The following RSBN1L variants were observed in gnomAD, a reference collection of about 807,000 sequenced individuals.
RSBN1L encodes lysine-specific demethylase RSBN1L.
In RSBN1L, 30 loss-of-function variants were observed where a neutral mutation model predicts 67.7. The ratio of observed to expected loss-of-function variants is 0.44; its 90% CI spans 0.33 to 0.60. RSBN1L has a LOEUF of 0.60. Ranked by LOEUF, RSBN1L falls within the 20% of genes least tolerant of loss-of-function variation. The pLI, the probability that RSBN1L is intolerant of heterozygous loss-of-function variation, is 0.02. For synonymous variants in RSBN1L, 433 were observed against 387.0 expected, an observed-to-expected ratio of 1.12 and a Z score of -1.39; for missense variants, 992 against 1,031.7, an observed-to-expected ratio of 0.96 and a Z score of 0.53.
At chr7:77,757,254 T>G (rs1460447937) in intron 3 of RSBN1L, among the ~76,000 whole-genome samples, 1 of 152,236 alleles carries the variant, frequency 6.6e-6, no homozygotes, top group African/African-American at 2.4e-5. Context: ...TGACAAAGGA[T>G]TAAAACATCC....
intron 1 of RSBN1L, among the ~76,000 whole-genome samples, chr7:77,730,196 C>G (rs1398864211): frequency 6.6e-6 from 1 of 152,096 alleles, no homozygotes; most frequent in Admixed American, 6.6e-5. Flanking sequence ...GCATCTGTTT[C>G]TCCCACTCCC....
chr7:77,721,653 A>G (rs1233592150), intron 1 of RSBN1L, among the ~76,000 whole-genome samples: 1 of 152,220 alleles, frequency 6.6e-6, no homozygotes, highest in African/African-American at 2.4e-5. Context: ...ATATTGGAGT[A>G]AGACATTTGA....
intron 1 of RSBN1L, among the ~76,000 whole-genome samples, chr7:77,726,231 C>T (rs961448336): frequency 5.3e-5 from 8 of 152,186 alleles, no homozygotes; most frequent in Non-Finnish European, 8.8e-5. Context: ...AAAGTCCATA[C>T]TTTATTCAGA....
In RSBN1L at chr7:77,778,826, C is replaced by T. The variant is rs369366458; in HGVS notation, c.2199C>T (p.Ala733=). The T allele has an allele frequency of 9.9e-5, 159 of 1,614,076 alleles. No individual in the cohort carries two copies. The highest frequency in any genetic ancestry group is 1.3e-4 in the Non-Finnish European group (148 of 1,180,002). ...ACATGATTTGTGCTGTAAGCAAAGC[C>T]TCCTTGGATTCTGTTTTTTCAGATA... ...TDNMICAVSK[A]SLDSVFSDKL... is the part of the protein sequence containing the mutation. Residue 733 remains alanine (A), a synonymous_variant, in exon 8 of 8, where the codon GCC becomes GCT. Transcript: ENST00000334955.
At chr7:77,751,659 T>C (rs1445508167) in intron 3 of RSBN1L, among the ~76,000 whole-genome samples, 2 of 152,234 alleles carry the variant, frequency 1.3e-5, no homozygotes, top group Non-Finnish European at 2.9e-5. Context: ...TTACTATTTA[T>C]TGAGTACTGA....
At chr7:77,700,802 A>G (rs962587760) in intron 1 of RSBN1L, among the ~76,000 whole-genome samples, 9 of 152,112 alleles carry the variant, frequency 5.9e-5, no homozygotes, top group African/African-American at 2.2e-4. Flanking sequence ...GCTTCTCAGT[A>G]CAATTTTCCA....
chr7:77,758,087 G>GTAGC (rs1200463476), intron 3 of RSBN1L, among the ~76,000 whole-genome samples: 1 of 152,090 alleles, frequency 6.6e-6, no homozygotes, highest in African/African-American at 2.4e-5. Flanking sequence ...AGGTAATTAA[G>GTAGC]TAGCACTGTT....
chr7:77,779,243 C>A lies in RSBN1L; in HGVS notation c.*75C>A. ...AAGATTCATGAATTCTGAAAGCAAGCCAAGGACTTGCTCCTATGTCTGTTA... is the reference window on the plus strand; with the variant it reads ...AAGATTCATGAATTCTGAAAGCAAGACAAGGACTTGCTCCTATGTCTGTTA... On this transcript the variant is annotated 3_prime_UTR_variant, in exon 8 of 8. Coordinates refer to ENST00000334955, the MANE Select transcript of RSBN1L (RefSeq NM_198467.3). The A allele has an allele frequency of 9.8e-7, 1 of 1,025,482 alleles. No homozygotes were observed. The highest frequency in any genetic ancestry group is 1.4e-6 in the Non-Finnish European group (1 of 707,860). 63.5% of individuals were successfully genotyped at this position (1,025,482 alleles called of 1,614,324 possible).
intron 3 of RSBN1L, among the ~76,000 whole-genome samples, chr7:77,756,044 A>G (rs922786827): frequency 2.6e-5 from 4 of 152,246 alleles, no homozygotes; most frequent in South Asian, 2.1e-4. Context: ...AAACTAGTCC[A>G]AAAGCAGTAT....
intron 6 of RSBN1L, 56 bp downstream of exon 6, chr7:77,773,370 C>T: frequency 7.8e-7 from 1 of 1,279,878 alleles, no homozygotes; most frequent in Admixed American, 2.7e-5. Context: ...TACAATTTTT[C>T]TTGGAAAATC....
At chr7:77,745,687 G>C (rs997329668) in intron 2 of RSBN1L, among the ~76,000 whole-genome samples, 1 of 152,104 alleles carries the variant, frequency 6.6e-6, no homozygotes, top group Non-Finnish European at 1.5e-5. Flanking sequence ...ATGGACAGAT[G>C]GGATGGTTTC....
chr7:77,717,792 C>A (rs545105261), intron 1 of RSBN1L, among the ~76,000 whole-genome samples: 1 of 152,026 alleles, frequency 6.6e-6, no homozygotes, highest in Non-Finnish European at 1.5e-5. Flanking sequence ...CTGAGGTGGG[C>A]GGATCACCTG....
At chr7:77,776,027 G>T (rs748639226) in intron 6 of RSBN1L, among the ~76,000 whole-genome samples, 6 of 151,392 alleles carry the variant, frequency 4.0e-5, no homozygotes, top group African/African-American at 7.3e-5. Flanking sequence ...CTGCACTCCA[G>T]CCTGGGCGAT....
intron 6 of RSBN1L, among the ~76,000 whole-genome samples, chr7:77,776,247 C>G (rs1791912881): frequency 1.0e-5 from 1 of 97,188 alleles, no homozygotes; most frequent in East Asian, 2.2e-4. Context: ...AGGTTTTGCT[C>G]TATTTTTGTG....
At chr7:77,708,508 A>T (rs1469652950) in intron 1 of RSBN1L, among the ~76,000 whole-genome samples, 3 of 151,626 alleles carry the variant, frequency 2.0e-5, no homozygotes, top group African/African-American at 7.3e-5. Context: ...CAGCCTCCGG[A>T]GTAGCTGGGA....
intron 3 of RSBN1L, among the ~76,000 whole-genome samples, chr7:77,753,510 A>AG (rs1791580543): frequency 6.6e-6 from 1 of 152,196 alleles, no homozygotes; most frequent in Non-Finnish European, 1.5e-5. Flanking sequence ...TGTAGATAAG[A>AG]ATCTTTTGTC....
rs538064868 is a variant in RSBN1L at position 77,764,792 on chromosome 7, G to T, written c.1345-703G>T. ...CAGGCGCGCGCCGGCCACCACACTC[G>T]GCTGATTTTTTTGTATTATTAGTAG... On this transcript the variant is annotated intron_variant, in intron 3 of 7. Coordinates refer to ENST00000334955, the MANE Select transcript of RSBN1L (RefSeq NM_198467.3). Among the ~76,000 whole-genome samples, 39 of 151,882 alleles carry T rather than the reference G, an allele frequency of 2.6e-4. 2 individuals are homozygous for T. Among genetic ancestry groups the T allele is most frequent in the Admixed American group, 2.0e-4 (3 of 15,260 alleles).
chr7:77,734,204 A>G (rs958137803), intron 1 of RSBN1L, among the ~76,000 whole-genome samples: 1 of 152,228 alleles, frequency 6.6e-6, no homozygotes, highest in African/African-American at 2.4e-5. Flanking sequence ...TAGGGGTGCT[A>G]TACAAAGACT....
At chr7:77,725,606 TCA>T (rs1791191850) in intron 1 of RSBN1L, among the ~76,000 whole-genome samples, 1 of 151,742 alleles carries the variant, frequency 6.6e-6, no homozygotes, top group South Asian at 2.1e-4. Flanking sequence ...AAACACACAC[TCA>T]CAGAAGAGAT....
Sources: gnomAD v4.1 joint callset for allele counts (sites outside exome capture counted in the v4.1 genomes callset) on GRCh38, gnomAD v4.1.1 for gene constraint, MANE v1.5 for transcripts, NCBI Gene and HGNC (gene_info 2026-07-23, HGNC 2026-07-21) for gene names.